Variants in MLLT3 observed in about 807,000 individuals in gnomAD.
The protein encoded by MLLT3 is MLLT3 super elongation complex subunit.
A neutral mutation model predicts 53.2 loss-of-function variants in MLLT3; 4 were observed. The ratio of observed to expected loss-of-function variants is 0.08; its 90% CI spans 0.04 to 0.17. The LOEUF is 0.17. Among genes scored for constraint, MLLT3 ranks in the 10% least tolerant of loss-of-function variants. MLLT3 has a pLI of 1.00. For missense variants in MLLT3, 569 were observed against 684.0 expected (o/e 0.83, Z 1.87); for synonymous variants, 283 against 230.6 (o/e 1.23, Z -2.06).
intron 5 of MLLT3, among the ~76,000 whole-genome samples, chr9:20,368,403 G>A (rs1305013123): frequency 6.6e-6 from 1 of 152,176 alleles, no homozygotes; most frequent in Admixed American, 6.5e-5. Flanking sequence ...AGCCGAAAAG[G>A]AGGTTTCCTT....
intron 2 of MLLT3, among the ~76,000 whole-genome samples, chr9:20,543,644 AAAG>A (rs968811273): frequency 1.5e-4 from 23 of 151,998 alleles, no homozygotes; most frequent in African/African-American, 5.3e-4. Flanking sequence ...CCTGTCCCAG[AAAG>A]AAGAAGAAGG....
At chr9:20,417,506 C>G (rs1041015834) in intron 4 of MLLT3, among the ~76,000 whole-genome samples, 1 of 151,684 alleles carries the variant, frequency 6.6e-6, no homozygotes, top group South Asian at 2.1e-4. Context: ...AATTAGCATT[C>G]AATGTAAAGT....
chr9:20,554,408 T>C (rs560649651), intron 2 of MLLT3, among the ~76,000 whole-genome samples: 109 of 152,282 alleles, frequency 7.2e-4, no homozygotes, highest in African/African-American at 2.2e-3. Context: ...AAAACCAAAT[T>C]ACATATTCAA....
chr9:20,490,996 G>A (rs1437272726), intron 2 of MLLT3, among the ~76,000 whole-genome samples: 1 of 152,038 alleles, frequency 6.6e-6, no homozygotes, highest in Non-Finnish European at 1.5e-5. Flanking sequence ...TCACTCAACA[G>A]GGAAATACTT....
chr9:20,474,371 T>C (rs1392468331), intron 2 of MLLT3, among the ~76,000 whole-genome samples: 1 of 151,878 alleles, frequency 6.6e-6, no homozygotes, highest in East Asian at 1.9e-4. Context: ...AATGCAACTA[T>C]GAATACTTAC....
At chr9:20,484,607 G>A (rs1340560972) in intron 2 of MLLT3, among the ~76,000 whole-genome samples, 2 of 152,002 alleles carry the variant, frequency 1.3e-5, no homozygotes, top group African/African-American at 2.4e-5. Context: ...ACCACATACC[G>A]CCATGATTTC....
intron 2 of MLLT3, among the ~76,000 whole-genome samples, chr9:20,479,256 C>A (rs1483161445): frequency 5.3e-5 from 8 of 152,034 alleles, no homozygotes; most frequent in Non-Finnish European, 1.0e-4. Context: ...TTTCAGGTTT[C>A]TTAGGAAAGT....
chr9:20,599,178 C>T (rs771214929), intron 2 of MLLT3, among the ~76,000 whole-genome samples: 1 of 152,012 alleles, frequency 6.6e-6, no homozygotes, highest in Non-Finnish European at 1.5e-5. Flanking sequence ...GTGGCACGCG[C>T]CTGCAGTCCC....
chr9:20,370,653 G>C (rs1023725407), intron 5 of MLLT3, among the ~76,000 whole-genome samples: 6 of 152,162 alleles, frequency 3.9e-5, no homozygotes, highest in Admixed American at 3.3e-4. Flanking sequence ...TGGGATTACA[G>C]GTGTGCACCA....
At chr9:20,352,511 A>T (rs1020768098) in intron 10 of MLLT3, among the ~76,000 whole-genome samples, 2 of 152,196 alleles carry the variant, frequency 1.3e-5, no homozygotes, top group Admixed American at 6.5e-5. Context: ...CATACTAACT[A>T]AAAAGAAACT....
intron 2 of MLLT3, among the ~76,000 whole-genome samples, chr9:20,461,809 A>C (rs1186606432): frequency 6.6e-6 from 1 of 152,176 alleles, no homozygotes; most frequent in Non-Finnish European, 1.5e-5. Context: ...ACTTTTGTTA[A>C]GAACATGGCC....
intron 2 of MLLT3, among the ~76,000 whole-genome samples, chr9:20,467,510 G>A (rs1357539222): frequency 3.3e-5 from 5 of 152,120 alleles, no homozygotes; most frequent in African/African-American, 7.2e-5. Flanking sequence ...CTCGGGAGGC[G>A]GAGGCTGCTG....
intron 2 of MLLT3, among the ~76,000 whole-genome samples, chr9:20,604,172 A>G (rs1820507628): frequency 6.6e-6 from 1 of 152,068 alleles, no homozygotes; most frequent in Admixed American, 6.6e-5. Flanking sequence ...AACACATTAT[A>G]CAGAAGGACC....
intron 2 of MLLT3, among the ~76,000 whole-genome samples, chr9:20,601,192 T>C (rs770083636): frequency 2.0e-5 from 3 of 152,204 alleles, no homozygotes; most frequent in African/African-American, 4.8e-5. Context: ...CATACCATGA[T>C]ACACTGCCCA....
chr9:20,579,729 C>A (rs1193580370), intron 2 of MLLT3, among the ~76,000 whole-genome samples: 4 of 152,158 alleles, frequency 2.6e-5, no homozygotes, highest in African/African-American at 9.7e-5. Context: ...ACCCTTTTTA[C>A]TCACTACTAA....
intron 2 of MLLT3, among the ~76,000 whole-genome samples, chr9:20,588,193 T>G (rs1348637278): frequency 6.6e-6 from 1 of 151,810 alleles, no homozygotes; most frequent in Non-Finnish European, 1.5e-5. Context: ...TCTGTTCCAT[T>G]GATCTATATC....
At chr9:20,425,553 T>C (rs1024935124) in intron 4 of MLLT3, among the ~76,000 whole-genome samples, 3 of 152,130 alleles carry the variant, frequency 2.0e-5, no homozygotes, top group African/African-American at 7.2e-5. Context: ...AGATAAATGA[T>C]TCAACAATGT....
At chr9:20,449,147 C>T (rs1417021874) in intron 3 of MLLT3, among the ~76,000 whole-genome samples, 2 of 152,176 alleles carry the variant, frequency 1.3e-5, no homozygotes, top group African/African-American at 4.8e-5. Flanking sequence ...GCATCTTTCT[C>T]TCACCCTTGC....
chr9:20,421,894 G>A (rs533147612), intron 4 of MLLT3, among the ~76,000 whole-genome samples: 5 of 152,058 alleles, frequency 3.3e-5, no homozygotes, highest in Non-Finnish European at 7.4e-5. Context: ...GACTGCTGAT[G>A]CTTTTTATAG....
Sources: allele counts gnomAD v4.1 joint callset (sites outside exome capture counted in the v4.1 genomes callset), GRCh38; gene constraint gnomAD v4.1.1; transcripts MANE v1.5; gene names NCBI Gene and HGNC (gene_info 2026-07-23, HGNC 2026-07-21).